The following SLC8A1 variants were observed in gnomAD, a reference collection of about 807,000 sequenced individuals.
The protein encoded by SLC8A1 is sodium/calcium exchanger 1.
Under a neutral mutation model 68.3 loss-of-function variants are expected in SLC8A1, and 18 were observed. That is an observed-to-expected ratio of 0.26 (90% CI 0.18 to 0.39). The LOEUF is 0.39. SLC8A1 is among the 10% of genes least tolerant of loss of function. The probability of loss-of-function intolerance (pLI) is 1.00; values close to 1 mark genes in which losing one functional copy is unlikely to be tolerated. For synonymous variants in SLC8A1, 475 were observed against 415.5 expected, an observed-to-expected ratio of 1.14 and a Z score of -1.74; for missense variants, 985 against 1,156.7, an observed-to-expected ratio of 0.85 and a Z score of 2.15.
At chr2:40,374,925 C>T (rs1484620830) in intron 2 of SLC8A1, among the ~76,000 whole-genome samples, 1 of 152,028 alleles carries the variant, frequency 6.6e-6, no homozygotes, top group Non-Finnish European at 1.5e-5. Flanking sequence ...AAAGGAGCCC[C>T]TTATATTTTC....
chr2:40,401,567 CAAAAAAAAAA>C (rs3060361), intron 2 of SLC8A1, among the ~76,000 whole-genome samples: 41 of 94,072 alleles, frequency 4.4e-4, no homozygotes, highest in African/African-American at 1.5e-3. Flanking sequence ...ATAGGCCAGT[CAAAAAAAAAA>C]AAAAAAAAAA....
At chr2:40,272,415 A>T (rs1035105212) in intron 2 of SLC8A1, among the ~76,000 whole-genome samples, 15 of 152,052 alleles carry the variant, frequency 9.9e-5, no homozygotes, top group African/African-American at 3.6e-4. Flanking sequence ...TACCCTACAG[A>T]CCTCCTCTTT....
At chr2:40,451,781 ACAC>A (rs1559736063) in intron 1 of SLC8A1, 120 bp downstream of exon 1, 18 of 152,264 alleles carry the variant, frequency 1.2e-4, no homozygotes, top group African/African-American at 4.5e-4. Flanking sequence ...ACACACACAC[ACAC>A]AAATTTAGAA....
intron 2 of SLC8A1, chr2:40,254,582 T>TTTAAAAATTTCTTTTTTATTATTTCTAA (rs1454913261): frequency 2.0e-4 from 30 of 152,118 alleles, no homozygotes; most frequent in Admixed American, 9.2e-4. Context: ...ATAGAAATGG[T>TTTAAAAATTTCTTTTTTATTATTTCTAA]TTAAAAATTT....
intron 4 of SLC8A1, 151 bp downstream of exon 6, chr2:40,174,555 T>C (rs2048129988): frequency 3.9e-6 from 3 of 767,344 alleles, no homozygotes; most frequent in Non-Finnish European, 4.3e-6. Flanking sequence ...ACACACATTA[T>C]TAATTTGTAA....
intron 2 of SLC8A1, among the ~76,000 whole-genome samples, chr2:40,305,410 T>C (rs2072378083): frequency 6.6e-6 from 1 of 152,210 alleles, no homozygotes; most frequent in Non-Finnish European, 1.5e-5. Context: ...CTTCCCAGTT[T>C]TGACAATCAA....
Position 40,170,268 on chromosome 2 carries a change from A to G in SLC8A1, c.1930+4557T>C, listed in dbSNP as rs2148508013. The G allele has an allele frequency of 6.2e-7, 1 of 1,612,334 alleles. No homozygotes were observed. Among genetic ancestry groups the G allele is most frequent in the Non-Finnish European group, 8.5e-7 (1 of 1,178,458 alleles). On this transcript the variant is annotated intron_variant, in intron 4 of 7. Coordinates refer to ENST00000406785, the Ensembl canonical transcript of SLC8A1. ...GAGGCTGTGGTTTTCAAGGATCATGATGAAATGAGTACCTGCAATGGTGAT... is the reference window on the plus strand; with the variant it reads ...GAGGCTGTGGTTTTCAAGGATCATGGTGAAATGAGTACCTGCAATGGTGAT...
chr2:40,141,757 G>A (rs934766144), intron 6 of SLC8A1, among the ~76,000 whole-genome samples: 5 of 152,090 alleles, frequency 3.3e-5, no homozygotes, highest in African/African-American at 4.8e-5. Flanking sequence ...TTGGAAATAG[G>A]GCCTTTAAAA....
intron 1 of SLC8A1, among the ~76,000 whole-genome samples, chr2:40,450,966 T>C (rs951917005): frequency 1.2e-4 from 17 of 137,186 alleles, no homozygotes; most frequent in African/African-American, 4.7e-4. Context: ...ATCCACGGGG[T>C]GGTGGGGGGG....
At chr2:40,382,878 G>C (rs536297386) in intron 2 of SLC8A1, among the ~76,000 whole-genome samples, 11 of 152,130 alleles carry the variant, frequency 7.2e-5, no homozygotes, top group Non-Finnish European at 1.5e-4. Flanking sequence ...AGGAATATAA[G>C]AGGGATTCTA....
At chr2:40,369,998 A>T (rs1280991578) in intron 2 of SLC8A1, among the ~76,000 whole-genome samples, 1 of 152,134 alleles carries the variant, frequency 6.6e-6, no homozygotes, top group Admixed American at 6.6e-5. Flanking sequence ...ACCACAGAAG[A>T]TGGAGAGAAG....
chr2:40,394,568 C>T (rs1222258040), intron 2 of SLC8A1, among the ~76,000 whole-genome samples: 2 of 151,870 alleles, frequency 1.3e-5, no homozygotes, highest in Non-Finnish European at 2.9e-5. Flanking sequence ...TTATACAGAG[C>T]ATATAGTGGA....
At chr2:40,188,671 A>G (rs1481768646) in intron 2 of SLC8A1, among the ~76,000 whole-genome samples, 1 of 152,246 alleles carries the variant, frequency 6.6e-6, no homozygotes, top group African/African-American at 2.4e-5. Context: ...GACAGCAGCT[A>G]GAATATGCTG....
intron 1 of SLC8A1, among the ~76,000 whole-genome samples, chr2:40,481,906 A>G (rs1042552588): frequency 3.9e-5 from 6 of 152,256 alleles, no homozygotes; most frequent in Admixed American, 2.0e-4. Context: ...GATTATATAG[A>G]TCAAAATTTG....
chr2:40,499,721 C>T (rs1483861934), intron 1 of SLC8A1, among the ~76,000 whole-genome samples: 5 of 152,026 alleles, frequency 3.3e-5, no homozygotes, highest in Non-Finnish European at 2.9e-5. Flanking sequence ...TCAGGCACTC[C>T]TGTCATTGCC....
chr2:40,495,403 G>T (rs1244879214), intron 1 of SLC8A1, among the ~76,000 whole-genome samples: 2 of 152,034 alleles, frequency 1.3e-5, no homozygotes, highest in African/African-American at 4.8e-5. Context: ...GGAAAGCGAA[G>T]GATCCGAGTT....
chr2:40,323,395 T>C (rs2075440999), intron 2 of SLC8A1, among the ~76,000 whole-genome samples: 1 of 152,190 alleles, frequency 6.6e-6, no homozygotes, highest in Non-Finnish European at 1.5e-5. Context: ...GAATCTCAAA[T>C]TATTTCTTCA....
intron 6 of SLC8A1, among the ~76,000 whole-genome samples, chr2:40,156,072 T>A (rs2044409783): frequency 6.6e-6 from 1 of 152,188 alleles, no homozygotes; most frequent in Non-Finnish European, 1.5e-5. Flanking sequence ...AGAAGTGAAG[T>A]GTATGCTGCT....
chr2:40,244,830 C>G (rs923153679), intron 2 of SLC8A1, among the ~76,000 whole-genome samples: 6 of 152,066 alleles, frequency 3.9e-5, no homozygotes, highest in Non-Finnish European at 5.9e-5. Context: ...TTCTTCCTCC[C>G]GAGGAAAGGG....
Sources: allele counts gnomAD v4.1 joint callset (sites outside exome capture counted in the v4.1 genomes callset), GRCh38; gene constraint gnomAD v4.1.1; transcripts MANE v1.5; gene names NCBI Gene and HGNC (gene_info 2026-07-23, HGNC 2026-07-21).